Variants in SRGAP1 observed in about 807,000 individuals in gnomAD.
The protein encoded by SRGAP1 is SLIT-ROBO Rho GTPase activating protein 1.
A neutral mutation model predicts 121.9 loss-of-function variants in SRGAP1; 43 were observed. That is an observed-to-expected ratio of 0.35 (90% CI 0.28 to 0.46). The LOEUF is 0.46. SRGAP1 is among the 20% of genes least tolerant of loss of function. The pLI is 1.00. For missense variants in SRGAP1, 1,102 were observed against 1,350.9 expected, an observed-to-expected ratio of 0.82 and a Z score of 2.89; for synonymous variants, 447 against 485.4, an observed-to-expected ratio of 0.92 and a Z score of 1.04.
chr12:63,951,260 T>A (rs2032285147), intron 1 of SRGAP1, among the ~76,000 whole-genome samples: 1 of 142,262 alleles, frequency 7.0e-6, no homozygotes, highest in African/African-American at 2.6e-5. Context: ...GCTTTCCGGG[T>A]TCAAGCAATT....
intron 1 of SRGAP1, among the ~76,000 whole-genome samples, chr12:63,974,291 A>G (rs2033035174): frequency 1.3e-5 from 2 of 152,216 alleles, no homozygotes; most frequent in Admixed American, 6.5e-5. Context: ...TATGTAGGCC[A>G]AAATATAATA....
chr12:63,979,429 A>T (rs899016917), intron 1 of SRGAP1, among the ~76,000 whole-genome samples: 9 of 149,844 alleles, frequency 6.0e-5, no homozygotes, highest in African/African-American at 2.2e-4. Flanking sequence ...CAGACATATG[A>T]TTTGTGAATA....
rs985809863 is a variant in SRGAP1, at chr12:64,146,366, A to G, written c.*3694A>G. Reference sequence around the variant, plus strand: ...CGTTAAGGGTTTTCTAACTTTTGCTATCCCCCCCGCGACCAAAAAAAGGGG... The same window carrying G: ...CGTTAAGGGTTTTCTAACTTTTGCTGTCCCCCCCGCGACCAAAAAAAGGGG... On this transcript the variant is annotated 3_prime_UTR_variant, in exon 22 of 22. Coordinates refer to ENST00000355086, the MANE Select transcript of SRGAP1 (RefSeq NM_020762.4). 1.3e-5 allele frequency: 2 copies of G among 152,128 alleles called. No individual in the cohort carries two copies. The highest frequency in any genetic ancestry group is 2.4e-5 in the African/African-American group (1 of 41,430). 9.4% of individuals were successfully genotyped at this position (152,128 alleles called of 1,614,324 possible).
chr12:64,050,476 A>G (rs717001), intron 6 of SRGAP1, among the ~76,000 whole-genome samples: 35,883 of 151,978 alleles, frequency 0.24, 4,525 homozygotes, highest in Non-Finnish European at 0.28. Flanking sequence ...ACATTTTTAA[A>G]CCAGAAGGAG....
chr12:63,860,987 C>T (rs1457144881), intron 1 of SRGAP1, among the ~76,000 whole-genome samples: 2 of 151,932 alleles, frequency 1.3e-5, no homozygotes, highest in African/African-American at 2.4e-5. Context: ...AGGCGCAGAC[C>T]GCCAAGCCTG....
intron 1 of SRGAP1, among the ~76,000 whole-genome samples, chr12:63,977,776 C>T (rs1317174791): frequency 6.6e-6 from 1 of 151,874 alleles, no homozygotes; most frequent in Non-Finnish European, 1.5e-5. Flanking sequence ...TAGTGATGCT[C>T]TGGTAGAACA....
chr12:63,946,344 ATATT>A (rs1297551560), intron 1 of SRGAP1, among the ~76,000 whole-genome samples: 2 of 146,136 alleles, frequency 1.4e-5, no homozygotes, highest in Non-Finnish European at 3.0e-5. Context: ...TAAACTTCAT[ATATT>A]TAAAGTGTAC....
In SRGAP1 at chr12:64,146,707, C is replaced by T. The variant is rs2037058002; in HGVS notation, c.*4035C>T. Reference sequence around the variant, plus strand: ...ACACAGAGCAGCTTAGAAGTCTCTACCCAGGCGTAAATAGAGCTCCCTACT... The same window carrying T: ...ACACAGAGCAGCTTAGAAGTCTCTATCCAGGCGTAAATAGAGCTCCCTACT... On this transcript the variant is annotated 3_prime_UTR_variant, in exon 22 of 22. Transcript: ENST00000355086. 1 of 152,080 alleles carries T rather than the reference C, an allele frequency of 6.6e-6. No individual in the cohort carries two copies. Among genetic ancestry groups the T allele is most frequent in the African/African-American group, 2.4e-5 (1 of 41,380 alleles). 9.4% of individuals were successfully genotyped at this position (152,080 alleles called of 1,614,324 possible).
chr12:64,037,483 A>C (rs1050622450), intron 4 of SRGAP1, among the ~76,000 whole-genome samples: 2 of 152,220 alleles, frequency 1.3e-5, no homozygotes, highest in African/African-American at 4.8e-5. Context: ...CACTGCTTTG[A>C]CCATACTGTC....
At chr12:64,101,308 GGTGTGT>G (rs59020353) in intron 15 of SRGAP1, among the ~76,000 whole-genome samples, 1,435 of 138,080 alleles carry the variant, frequency 0.01, 25 homozygotes, top group African/African-American at 0.033. Context: ...TGGGGAAAGG[GGTGTGT>G]GTGTGTGTGT....
At chr12:63,981,405 G>A (rs1167271634) in intron 1 of SRGAP1, among the ~76,000 whole-genome samples, 1 of 152,120 alleles carries the variant, frequency 6.6e-6, no homozygotes, top group Non-Finnish European at 1.5e-5. Context: ...CTAGTTGACA[G>A]CTTAAGATGT....
intron 18 of SRGAP1, among the ~76,000 whole-genome samples, chr12:64,118,641 T>C (rs1272367745): frequency 2.0e-5 from 3 of 152,070 alleles, no homozygotes; most frequent in Non-Finnish European, 4.4e-5. Flanking sequence ...ATTTGCATTC[T>C]CCTGATGATT....
intron 21 of SRGAP1, among the ~76,000 whole-genome samples, chr12:64,141,263 AAAGTAT>A (rs1340644955): frequency 7.6e-5 from 9 of 118,038 alleles, no homozygotes; most frequent in Admixed American, 7.5e-4. Context: ...CCTAAAACTT[AAAGTAT>A]AATAAAAAAA....
intron 4 of SRGAP1, among the ~76,000 whole-genome samples, chr12:64,024,121 G>A (rs2034605205): frequency 2.0e-5 from 3 of 152,314 alleles, no homozygotes; most frequent in South Asian, 4.2e-4. Context: ...AAATGACTTC[G>A]TGTAATCGGC....
chr12:63,883,135 C>T (rs1900250361), intron 1 of SRGAP1, among the ~76,000 whole-genome samples: 1 of 152,232 alleles, frequency 6.6e-6, no homozygotes. Flanking sequence ...AGGGACTTTT[C>T]CCATTAAACC....
At chr12:64,090,315 A>T (rs992359317) in intron 11 of SRGAP1, among the ~76,000 whole-genome samples, 1 of 152,256 alleles carries the variant, frequency 6.6e-6, no homozygotes, top group African/African-American at 2.4e-5. Context: ...GGCAGACTGG[A>T]GAGGAAGAGA....
intron 1 of SRGAP1, among the ~76,000 whole-genome samples, chr12:63,906,427 G>A (rs1235027959): frequency 6.6e-6 from 1 of 151,908 alleles, no homozygotes; most frequent in Non-Finnish European, 1.5e-5. Flanking sequence ...CCATTCTCCT[G>A]CCTCAGCCTC....
intron 21 of SRGAP1, among the ~76,000 whole-genome samples, chr12:64,128,418 T>C (rs945269821): frequency 1.3e-5 from 2 of 152,180 alleles, no homozygotes; most frequent in Admixed American, 6.5e-5. Context: ...TCATAGTGAT[T>C]TAAACAGAAA....
chr12:63,947,270 C>A (rs759803591), intron 1 of SRGAP1, among the ~76,000 whole-genome samples: 6 of 152,202 alleles, frequency 3.9e-5, no homozygotes, highest in Non-Finnish European at 8.8e-5. Flanking sequence ...ATGAGAGTTA[C>A]ATTTGCCTTA....
Sources: allele counts gnomAD v4.1 joint callset (sites outside exome capture counted in the v4.1 genomes callset), GRCh38; gene constraint gnomAD v4.1.1; transcripts MANE v1.5; gene names NCBI Gene and HGNC (gene_info 2026-07-23, HGNC 2026-07-21).